PRR14L: variants seen among roughly 807,000 people sequenced by gnomAD.
The protein encoded by PRR14L is protein PRR14L.
Under a neutral mutation model 155.0 loss-of-function variants are expected in PRR14L, and 80 were observed. The ratio of observed to expected loss-of-function variants is 0.52; its 90% CI spans 0.43 to 0.62. The LOEUF (loss-of-function observed/expected upper bound fraction) is 0.62, where lower values mean the gene tolerates loss of function less well. Among genes scored for constraint, PRR14L ranks in the 20% least tolerant of loss-of-function variants. The pLI, the probability that PRR14L is intolerant of heterozygous loss-of-function variation, is 0.00. For missense variants in PRR14L, 2,469 were observed against 2,548.0 expected (o/e 0.97, Z 0.67); for synonymous variants, 883 against 916.0 (o/e 0.96, Z 0.65).
intron 7 of PRR14L, 40 bp downstream of exon 7, chr22:31,701,616 C>CA: frequency 1.4e-6 from 2 of 1,390,262 alleles, no homozygotes; most frequent in Non-Finnish European, 2.0e-6. Flanking sequence ...AACAATTTTC[C>CA]AAAAAAGTGA....
rs546964768 is a variant in PRR14L at position 31,712,471 on chromosome 22, T to G, written c.5368A>C (p.Thr1790Pro). Residue 1790 changes from threonine to proline, a missense_variant, in exon 4 of 9, where the codon ACT (threonine) becomes CCT (proline). Transcript: ENST00000327423. ...EDTGVHSQTH[T>P]QAPPQPPAPL... ...GCTGGAGGCTGGGGAGGAGCCTGAG[T>G]GTGGGTCTGACTATGGACGCCAGTG... The G allele has an allele frequency of 1.3e-6, 2 of 1,553,206 alleles. No homozygotes were observed. Among genetic ancestry groups the G allele is most frequent in the African/African-American group, 2.7e-5 (2 of 73,162 alleles).
intron 7 of PRR14L, among the ~76,000 whole-genome samples, chr22:31,700,438 T>C (rs530046322): frequency 5.3e-5 from 8 of 152,344 alleles, no homozygotes; most frequent in African/African-American, 1.9e-4. Flanking sequence ...CGTATTAAGA[T>C]AAAGATTATG....
At chr22:31,691,115 C>T (rs1193398421) in intron 7 of PRR14L, among the ~76,000 whole-genome samples, 1 of 151,836 alleles carries the variant, frequency 6.6e-6, no homozygotes, top group African/African-American at 2.4e-5. Context: ...AGGCGCCTAC[C>T]ACCACGCGCG....
chr22:31,726,005 T>C (rs1002759332), intron 2 of PRR14L, among the ~76,000 whole-genome samples: 6 of 151,968 alleles, frequency 3.9e-5, no homozygotes, highest in Non-Finnish European at 8.8e-5. Flanking sequence ...CTTTATGACT[T>C]TGGGAAATTA....
At chr22:31,723,980 C>T (rs985603747) in intron 3 of PRR14L, among the ~76,000 whole-genome samples, 2 of 152,214 alleles carry the variant, frequency 1.3e-5, no homozygotes, top group African/African-American at 4.8e-5. Context: ...AGCTGCTCCT[C>T]ATGCTTGCAT....
intron 2 of PRR14L, among the ~76,000 whole-genome samples, chr22:31,728,518 C>A (rs544545892): frequency 1.7e-4 from 26 of 150,822 alleles, no homozygotes; most frequent in South Asian, 4.2e-4. Flanking sequence ...GAGGCTGAGG[C>A]AGGAGAATGG....
intron 3 of PRR14L, among the ~76,000 whole-genome samples, chr22:31,720,690 G>A (rs373069070): frequency 1.2e-4 from 18 of 152,330 alleles, no homozygotes; most frequent in Admixed American, 4.6e-4. Context: ...AGCCAAGATC[G>A]TGCCACTGCA....
Position 31,716,902 on chromosome 22 carries a change from G to C in PRR14L, c.937C>G (p.Gln313Glu), listed in dbSNP as rs193301523. The change falls in exon 4 of 9, where the codon CAA (glutamine) becomes GAA (glutamate). Residue 313 changes from glutamine to glutamate, a missense_variant. Transcript: ENST00000327423. The part of the protein sequence containing the change: ...NLVCEADDNH[Q>E]QLHGHHNEQP... ...TCATTATGGTGGCCATGAAGCTGTT[G>C]GTGATTGTCATCTGCTTCACAGACC... is the stretch of plus-strand genomic sequence containing the variant. 4.5e-6 allele frequency: 7 copies of C among 1,552,002 alleles called. No individual in the cohort carries two copies. The Admixed American group carries it at 1.4e-4, about 30-fold the overall frequency.
In PRR14L at chr22:31,681,442, A is replaced by G. The variant is rs1601486671; in HGVS notation, c.*4085T>C. 2 of 152,250 alleles carry G rather than the reference A, an allele frequency of 1.3e-5. No individual in the cohort carries two copies. The highest frequency in any genetic ancestry group is 3.8e-4 in the East Asian group (2 of 5,206). 9.4% of individuals were successfully genotyped at this position (152,250 alleles called of 1,614,324 possible). A position where few individuals can be genotyped will look rare whatever the true frequency, so the allele number is the denominator to read the frequency against. On this transcript the variant is annotated 3_prime_UTR_variant, in exon 9 of 9. Coordinates refer to ENST00000327423, the MANE Select transcript of PRR14L (RefSeq NM_173566.3). ...AACTACCAAACAGAAAAGGAACTGC[A>G]GGGGCATCATGTATACCAATGTTAC... is the stretch of plus-strand genomic sequence containing the variant.
rs191987286 is a variant in PRR14L, at chr22:31,700,348, G to A, written c.6107+1308C>T. On this transcript the variant is annotated intron_variant, in intron 7 of 8. Transcript: ENST00000327423. The stretch of plus-strand genomic sequence containing the variant: ...CGAGTAATAAATACTACCCGATCTC[G>A]GATATCTGAAATATTTTTAAAATTT... Among the ~76,000 whole-genome samples, 9 of 152,008 alleles carry A rather than the reference G, an allele frequency of 5.9e-5. No individual in the cohort carries two copies. The South Asian group carries it at 1.0e-3, about 18-fold the overall frequency.
In PRR14L at chr22:31,714,790, C is replaced by G. The variant is rs758448939; in HGVS notation, c.3049G>C (p.Val1017Leu). ...EVNHNQKDLL[V>L]SSGSNNSLPC... is the part of the protein sequence containing the mutation. ...AGTGAGTTATTACTGCCTGAGCTGA[C>G]CAGCAGATCCTTTTGGTTGTGGTTT... The change falls in exon 4 of 9, where the codon GTC becomes CTC. Residue 1017 changes from valine (V) to leucine (L), a missense_variant. Coordinates refer to ENST00000327423, the MANE Select transcript of PRR14L (RefSeq NM_173566.3). 37 of 1,552,176 alleles carry G rather than the reference C, an allele frequency of 2.4e-5. No homozygotes were observed. The highest frequency in any genetic ancestry group is 1.7e-6 in the Non-Finnish European group (2 of 1,147,136).
intron 3 of PRR14L, among the ~76,000 whole-genome samples, chr22:31,722,824 G>A (rs548351922): frequency 3.3e-5 from 5 of 152,192 alleles, no homozygotes; most frequent in South Asian, 2.1e-4. Context: ...AAGCCACTGC[G>A]CCCAGCCGGC....
At chr22:31,722,939 T>C (rs1193109301) in intron 3 of PRR14L, among the ~76,000 whole-genome samples, 1 of 152,200 alleles carries the variant, frequency 6.6e-6, no homozygotes, top group East Asian at 1.9e-4. Flanking sequence ...CGTGGGTCTA[T>C]TTAAATCAAA....
rs1569499046 is a variant in PRR14L, at chr22:31,716,702, ACTGT to A, written c.1133_1136del (p.Asp378ValfsTer25). On this transcript the variant is annotated frameshift_variant, in exon 4 of 9. Transcript: ENST00000327423. LOFTEE classifies it high-confidence loss of function. Reference sequence around the variant, plus strand: ...GATCATCCCCCCTATAAAAATAAGAACTGTCTGTCTTTTCAGCAGATCTCTTTAG... The same window carrying A: ...GATCATCCCCCCTATAAAAATAAGAACTGTCTTTTCAGCAGATCTCTTTAG... 6.4e-7 allele frequency: 1 copy of A among 1,551,722 alleles called. No individual in the cohort carries two copies. The highest frequency in any genetic ancestry group is 8.7e-7 in the Non-Finnish European group (1 of 1,147,008).
intron 4 of PRR14L, among the ~76,000 whole-genome samples, chr22:31,705,162 G>C (rs2074583484): frequency 6.6e-6 from 1 of 152,120 alleles, no homozygotes; most frequent in African/African-American, 2.4e-5. Context: ...TCAAGAGGCT[G>C]GGGTGAGAAG....
chr22:31,712,269 G>A lies in PRR14L; in HGVS notation c.5570C>T (p.Thr1857Ile). Reference sequence around the variant, plus strand: ...AGACCGTAACCCTTTCAGGCCCTGTGTAAACTGGGTCATGAAGAGCCTCTG... The same window carrying A: ...AGACCGTAACCCTTTCAGGCCCTGTATAAACTGGGTCATGAAGAGCCTCTG... The part of the protein sequence containing the change: ...TMQRLFMTQF[T>I]QGLKGLRSPA... The change falls in exon 4 of 9, where the codon ACA (threonine) becomes ATA (isoleucine). Residue 1857 changes from threonine to isoleucine, a missense_variant. Around this residue, in one of 2 missense-constraint regions of PRR14L, gnomAD observed 2,363 missense variants for 2,371.6 expected, o/e 1.00. Coordinates refer to ENST00000327423, the MANE Select transcript of PRR14L (RefSeq NM_173566.3). 1 of 1,614,186 alleles carries A rather than the reference G, an allele frequency of 6.2e-7. No homozygotes were observed. The highest frequency in any genetic ancestry group is 8.5e-7 in the Non-Finnish European group (1 of 1,180,024).
chr22:31,740,918 G>T (rs2074809492), intron 1 of PRR14L, among the ~76,000 whole-genome samples: 1 of 151,410 alleles, frequency 6.6e-6, no homozygotes, highest in Non-Finnish European at 1.5e-5. Flanking sequence ...GAGGCAGGTG[G>T]ATCACTTGAG....
At chr22:31,729,073 G>A (rs1569500139) in intron 2 of PRR14L, among the ~76,000 whole-genome samples, 1 of 152,196 alleles carries the variant, frequency 6.6e-6, no homozygotes, top group African/African-American at 2.4e-5. Flanking sequence ...TCCTACAAGA[G>A]TGGAGTTCAG....
intron 1 of PRR14L, among the ~76,000 whole-genome samples, chr22:31,740,296 T>G (rs2074805596): frequency 6.6e-6 from 1 of 152,156 alleles, no homozygotes; most frequent in Admixed American, 6.6e-5. Context: ...CTTGGCTCAC[T>G]GCAACCTCCG....
Sources: allele counts gnomAD v4.1 joint callset (sites outside exome capture counted in the v4.1 genomes callset), GRCh38; gene constraint gnomAD v4.1.1; regional missense constraint gnomAD v4.1.1; transcripts MANE v1.5; gene names NCBI Gene and HGNC (gene_info 2026-07-23, HGNC 2026-07-21).